Variants in TPM1 observed in about 807,000 individuals in gnomAD.
TPM1 encodes the protein tropomyosin 1.
Under a neutral mutation model 42.9 loss-of-function variants are expected in TPM1, and 24 were observed. The observed-to-expected ratio is 0.56, with a 90% CI of 0.41 to 0.79. The LOEUF (loss-of-function observed/expected upper bound fraction) is 0.79, where lower values mean the gene tolerates loss of function less well. Ranked by LOEUF, TPM1 falls within the 30% of genes least tolerant of loss-of-function variation. The pLI, the probability that TPM1 is intolerant of heterozygous loss-of-function variation, is 0.00. For synonymous variants in TPM1, 136 were observed against 130.1 expected (o/e 1.05, Z -0.31); for missense variants, 158 against 351.8 (o/e 0.45, Z 4.41).
chr15:63,048,791 C>CGT lies in TPM1; in HGVS notation c.240+4640_240+4641insTG, dbSNP rs774207535. On this transcript the variant is annotated intron_variant, in intron 2 of 9. Transcript: ENST00000403994. Reference sequence around the variant, plus strand: ...CGCAGGGCCCTCCTGCTTCCCCCCCCGCAGGCCCCGGTCCCTCGTCCCCAC... The same window carrying CGT: ...CGCAGGGCCCTCCTGCTTCCCCCCCCGTGCAGGCCCCGGTCCCTCGTCCCCAC... 5.2e-5 allele frequency: 78 copies of CGT among 1,494,250 alleles called. 1 individual carries two copies. In the Admixed American group the frequency reaches 9.1e-4, roughly 17 times the overall value. The allele number at this position is 1,494,250 out of a possible 1,614,324, so 92.6% of individuals were successfully genotyped here.
At position 63,060,992 on chromosome 15, in the gene TPM1, C is replaced by G. The variant is rs374720707; in HGVS notation, c.563+53C>G. The G allele has an allele frequency of 4.9e-5, 78 of 1,602,142 alleles. No individual in the cohort carries two copies. The Middle Eastern group carries it at 5.0e-4, about 10-fold the overall frequency. ...CGAATGGGGTGCTGCAGAGCAGTGA[C>G]TAAACAGCATGACCTTCTGGCAGCT... is the stretch of plus-strand genomic sequence containing the variant. On this transcript the variant is annotated intron_variant, in intron 5 of 9. Coordinates refer to ENST00000403994, the MANE Select transcript of TPM1 (RefSeq NM_001018005.2).
intron 4 of TPM1, among the ~76,000 whole-genome samples, chr15:63,060,662 T>C (rs2035486971): frequency 6.6e-6 from 1 of 152,192 alleles, no homozygotes; most frequent in African/African-American, 2.4e-5. Flanking sequence ...CAGCTAACCA[T>C]TCTGAGTCAA....
intron 2 of TPM1, among the ~76,000 whole-genome samples, chr15:63,053,865 A>G (rs1050219191): frequency 1.5e-4 from 23 of 151,628 alleles, no homozygotes; most frequent in African/African-American, 4.6e-4. Flanking sequence ...TGTTTTTTGT[A>G]GAGACGGGGT....
intron 9 of TPM1, chr15:63,065,113 G>C (rs1215944345): frequency 1.0e-6 from 1 of 985,344 alleles, no homozygotes; most frequent in Non-Finnish European, 1.2e-6. Flanking sequence ...AACACAGATT[G>C]TACAATGTGA....
In TPM1 at chr15:63,059,615, A is replaced by G; in HGVS notation, c.427A>G (p.Ile143Val). ...RAQKDEEKME[I>V]QEIQLKEAKH... is the part of the protein sequence containing the mutation. ...CCAAAAAGATGAAGAAAAAATGGAA[A>G]TTCAGGAGATCCAACTGAAAGAGGC... Residue 143 changes from isoleucine (I) to valine (V), a missense_variant, in exon 4 of 10, where the codon ATT (isoleucine) becomes GTT (valine). By Grantham distance (29) the Ile-to-Val change is conservative (BLOSUM62 3). Transcript: ENST00000403994. 1 of 1,612,434 alleles carries G rather than the reference A, an allele frequency of 6.2e-7. No homozygotes were observed. Among genetic ancestry groups the G allele is most frequent in the Non-Finnish European group, 8.5e-7 (1 of 1,178,962 alleles).
At chr15:63,050,867 G>A (rs1176066318) in intron 2 of TPM1, among the ~76,000 whole-genome samples, 2 of 152,216 alleles carry the variant, frequency 1.3e-5, no homozygotes, top group African/African-American at 4.8e-5. Context: ...AAAGATAAAG[G>A]TTTAGTGACA....
downstream of TPM1, among the ~76,000 whole-genome samples, chr15:63,067,723 A>G (rs867586737): frequency 1.3e-5 from 2 of 152,178 alleles, no homozygotes; most frequent in Admixed American, 6.5e-5. Flanking sequence ...TTCTTGTTCA[A>G]CTGTTGATTT....
intron 9 of TPM1, chr15:63,065,316 C>T (rs1044145990): frequency 2.0e-6 from 2 of 990,918 alleles, no homozygotes; most frequent in African/African-American, 3.5e-5. Context: ...TAATATCACC[C>T]TGAATTCCAT....
chr15:63,071,208 G>T, exon 9 of TPM1: 1 of 1,597,016 alleles, frequency 6.3e-7, no homozygotes, highest in Non-Finnish European at 8.6e-7. Context: ...CTTTCGTTTT[G>T]TTTTGTTTTG....
chr15:63,051,152 C>G (rs1344388675), intron 2 of TPM1, among the ~76,000 whole-genome samples: 1 of 152,124 alleles, frequency 6.6e-6, no homozygotes, highest in African/African-American at 2.4e-5. Context: ...GATGAATCTT[C>G]CTTTCTGAGT....
downstream of TPM1, among the ~76,000 whole-genome samples, chr15:63,069,350 ACC>A (rs2036470109): frequency 6.6e-6 from 1 of 152,080 alleles, no homozygotes; most frequent in South Asian, 2.1e-4. Flanking sequence ...AAAAGCAGTA[ACC>A]CCCAGTTGGT....
chr15:63,068,456 G>A (rs1307725647), downstream of TPM1, among the ~76,000 whole-genome samples: 1 of 152,190 alleles, frequency 6.6e-6, no homozygotes, highest in African/African-American at 2.4e-5. Flanking sequence ...AACGAGCATA[G>A]CATCCTCCCA....
downstream of TPM1, chr15:63,070,149 G>T (rs2036525164): frequency 1.4e-6 from 2 of 1,415,968 alleles, no homozygotes; most frequent in African/African-American, 2.9e-5. Flanking sequence ...TCACAAAACA[G>T]CTTTTATGGT....
chr15:63,065,846 T>C, intron 9 of TPM1, 50 bp from the exon 10 acceptor site: 5 of 1,572,818 alleles, frequency 3.2e-6, no homozygotes, highest in East Asian at 4.5e-5. Context: ...TTTTTTTTTT[T>C]TCTCATTGTG....
At chr15:63,047,436 G>A (rs2032616934) in intron 2 of TPM1, 1 of 152,250 alleles carries the variant, frequency 6.6e-6, no homozygotes, top group Non-Finnish European at 1.5e-5. Flanking sequence ...GGGGGAAATC[G>A]GTGGAGACTG....
At chr15:63,070,105 C>T (rs1308652524), downstream of TPM1, 3 of 1,504,000 alleles carry the variant, frequency 2.0e-6, no homozygotes, top group Non-Finnish European at 8.9e-7. Context: ...CTGCTTGTTT[C>T]TCTATATGGC....
intron 3 of TPM1, among the ~76,000 whole-genome samples, chr15:63,058,898 T>G (rs1474272857): frequency 1.3e-5 from 2 of 152,044 alleles, no homozygotes; most frequent in African/African-American, 4.8e-5. Context: ...CCTAATACAC[T>G]CAGTGTAGAG....
intron 1 of TPM1, chr15:63,043,614 G>C (rs1477007308): frequency 3.3e-6 from 5 of 1,527,114 alleles, no homozygotes; most frequent in Non-Finnish European, 3.5e-6. Context: ...CCCCGAGCCC[G>C]AGGGGCCCCA....
intron 2 of TPM1, among the ~76,000 whole-genome samples, chr15:63,053,888 G>A (rs1008568498): frequency 6.6e-6 from 1 of 151,918 alleles, no homozygotes; most frequent in African/African-American, 2.4e-5. Flanking sequence ...CACCATGTTG[G>A]TCAGGCTGGT....
Sources: allele counts gnomAD v4.1 joint callset (sites outside exome capture counted in the v4.1 genomes callset), GRCh38; gene constraint gnomAD v4.1.1; transcripts MANE v1.5; gene names NCBI Gene and HGNC (gene_info 2026-07-23, HGNC 2026-07-21).